PEX5L: variants seen among roughly 807,000 people sequenced by gnomAD.
PEX5L encodes the protein peroxisomal biogenesis factor 5 like.
In PEX5L, 30 loss-of-function variants were observed where a neutral mutation model predicts 84.0. That is an observed-to-expected ratio of 0.36 (90% CI 0.27 to 0.48). The LOEUF is 0.48. Among genes scored for constraint, PEX5L ranks in the 20% least tolerant of loss-of-function variants. The pLI is 0.99. For missense variants in PEX5L, 533 were observed against 754.6 expected (o/e 0.71, Z 3.44); for synonymous variants, 270 against 283.1 (o/e 0.95, Z 0.46).
chr3:179,898,091 G>T, intron 3 of PEX5L, 51 bp downstream of exon 3: 2 of 1,097,030 alleles, frequency 1.8e-6, no homozygotes, highest in East Asian at 2.5e-5. Context: ...CACAATGTCT[G>T]ATATATTAAC....
At chr3:179,860,479 T>C (rs1031912544) in intron 7 of PEX5L, among the ~76,000 whole-genome samples, 4 of 152,216 alleles carry the variant, frequency 2.6e-5, no homozygotes, top group Non-Finnish European at 4.4e-5. Flanking sequence ...ACCAATTAAA[T>C]AAGAAACTCT....
At chr3:179,843,589 G>A (rs746924692) in intron 8 of PEX5L, among the ~76,000 whole-genome samples, 2 of 152,176 alleles carry the variant, frequency 1.3e-5, no homozygotes, top group Non-Finnish European at 2.9e-5. Context: ...AAATGAATAT[G>A]TTGTCATTAT....
intron 1 of PEX5L, among the ~76,000 whole-genome samples, chr3:180,013,660 G>A (rs1024651731): frequency 3.9e-5 from 6 of 152,024 alleles, no homozygotes; most frequent in Admixed American, 1.3e-4. Flanking sequence ...TTAGTAGAAC[G>A]CCTGGTATAT....
chr3:179,853,517 C>T lies in PEX5L; in HGVS notation c.822+5545G>A, dbSNP rs78354777. The stretch of plus-strand genomic sequence containing the variant: ...AGGCAGCTTTGGGCCTCACTGAGCT[C>T]TGGGAGCTCCTTCGCAGTTTGTCAC... On this transcript the variant is annotated intron_variant, in intron 8 of 14. Coordinates refer to ENST00000467460, the MANE Select transcript of PEX5L (RefSeq NM_016559.3). Among the ~76,000 whole-genome samples, 1,086 of 152,302 alleles carry T rather than the reference C, an allele frequency of 7.1e-3. 25 individuals are homozygous for T. The highest frequency in any genetic ancestry group is 0.017 in the East Asian group (88 of 5,164).
At chr3:179,895,723 AG>A (rs2108952329) in intron 3 of PEX5L, 1 of 152,268 alleles carries the variant, frequency 6.6e-6, no homozygotes, top group South Asian at 2.1e-4. Flanking sequence ...AATACAAAAA[AG>A]TTCTAGAATA....
chr3:180,021,562 A>G (rs911358042), intron 1 of PEX5L, among the ~76,000 whole-genome samples: 1 of 152,222 alleles, frequency 6.6e-6, no homozygotes, highest in African/African-American at 2.4e-5. Context: ...GACTTCAAAT[A>G]AAAGGATGAT....
chr3:179,903,520 A>G (rs1052045834), intron 2 of PEX5L, among the ~76,000 whole-genome samples: 1 of 152,174 alleles, frequency 6.6e-6, no homozygotes, highest in Non-Finnish European at 1.5e-5. Flanking sequence ...GTGAGTCACC[A>G]TACCTGGCAC....
chr3:179,853,438 T>C (rs887545880), intron 8 of PEX5L, among the ~76,000 whole-genome samples: 1 of 152,166 alleles, frequency 6.6e-6, no homozygotes, highest in Non-Finnish European at 1.5e-5. Context: ...TACATGACCT[T>C]CTCTCTCCTC....
chr3:179,917,832 T>A (rs1767767698), intron 2 of PEX5L, among the ~76,000 whole-genome samples: 1 of 152,168 alleles, frequency 6.6e-6, no homozygotes, highest in African/African-American at 2.4e-5. Flanking sequence ...GCTAATTTTG[T>A]ATTTTTAGTA....
At chr3:179,862,615 A>G (rs1311227277) in intron 7 of PEX5L, among the ~76,000 whole-genome samples, 3 of 152,208 alleles carry the variant, frequency 2.0e-5, no homozygotes, top group South Asian at 2.1e-4. Context: ...TGGTTCCTTC[A>G]TTAATAAAAT....
chr3:179,908,737 C>T (rs1342912934), intron 2 of PEX5L, among the ~76,000 whole-genome samples: 2 of 151,324 alleles, frequency 1.3e-5, no homozygotes, highest in African/African-American at 4.9e-5. Context: ...TTTGTCCTTG[C>T]GATAGTTTGC....
chr3:179,981,327 T>C (rs1786311022), intron 1 of PEX5L, among the ~76,000 whole-genome samples: 1 of 152,084 alleles, frequency 6.6e-6, no homozygotes, highest in Non-Finnish European at 1.5e-5. Flanking sequence ...AGATATGTGC[T>C]GTAAGAAGCC....
chr3:179,919,834 C>G (rs557935152), intron 2 of PEX5L, among the ~76,000 whole-genome samples: 2 of 152,224 alleles, frequency 1.3e-5, no homozygotes, highest in East Asian at 3.9e-4. Flanking sequence ...TCCCGAGTAG[C>G]TGGGATTATA....
chr3:179,915,378 T>C (rs1399997454), intron 2 of PEX5L, among the ~76,000 whole-genome samples: 2 of 152,126 alleles, frequency 1.3e-5, no homozygotes, highest in African/African-American at 4.8e-5. Context: ...CTAGCTGGCA[T>C]AGAGATTAAA....
intron 2 of PEX5L, among the ~76,000 whole-genome samples, chr3:179,967,352 A>G (rs1162054669): frequency 1.3e-5 from 2 of 152,098 alleles, no homozygotes; most frequent in African/African-American, 4.8e-5. Flanking sequence ...TAAACTGGGG[A>G]TGAAGGGAGG....
At chr3:179,903,012 C>A (rs1158669910) in intron 2 of PEX5L, among the ~76,000 whole-genome samples, 1 of 151,808 alleles carries the variant, frequency 6.6e-6, no homozygotes, top group Admixed American at 6.6e-5. Flanking sequence ...AAAAACAGAA[C>A]TAGGAAAACA....
At chr3:179,919,264 A>AT (rs1768386528) in intron 2 of PEX5L, among the ~76,000 whole-genome samples, 1 of 152,168 alleles carries the variant, frequency 6.6e-6, no homozygotes. Context: ...CAGTGGTGAG[A>AT]TTTGAATCTG....
At chr3:180,001,619 G>T (rs933315640) in intron 1 of PEX5L, among the ~76,000 whole-genome samples, 1 of 151,994 alleles carries the variant, frequency 6.6e-6, no homozygotes, top group Admixed American at 6.5e-5. Context: ...TTTTCATTGT[G>T]CTTTCAAGTA....
At chr3:179,913,438 G>A (rs1765883158) in intron 2 of PEX5L, among the ~76,000 whole-genome samples, 1 of 152,002 alleles carries the variant, frequency 6.6e-6, no homozygotes, top group Admixed American at 6.6e-5. Flanking sequence ...GAGATTTTAA[G>A]TTTCAGTAAA....
Sources: allele counts gnomAD v4.1 joint callset (sites outside exome capture counted in the v4.1 genomes callset), GRCh38; gene constraint gnomAD v4.1.1; transcripts MANE v1.5; gene names NCBI Gene and HGNC (gene_info 2026-07-23, HGNC 2026-07-21).